Variants in DGUOK observed in about 807,000 individuals in gnomAD.
DGUOK encodes the protein deoxyguanosine kinase, mitochondrial.
DGUOK carries 30 observed loss-of-function variants against 36.6 expected under a neutral mutation model. The observed-to-expected ratio is 0.82, with a 90% CI of 0.61 to 1.11. The LOEUF is 1.11. Ranked by LOEUF, DGUOK falls within the 50% of genes most tolerant of loss-of-function variation. DGUOK has a pLI of 0.00. For missense variants in DGUOK, 361 were observed against 336.4 expected, an observed-to-expected ratio of 1.07 and a Z score of -0.57; for synonymous variants, 145 against 126.3, an observed-to-expected ratio of 1.15 and a Z score of -0.99.
At chr2:73,941,245 A>G (rs1210998507) in intron 2 of DGUOK, among the ~76,000 whole-genome samples, 2 of 152,136 alleles carry the variant, frequency 1.3e-5, no homozygotes, top group East Asian at 3.9e-4. Context: ...CCTTCATACA[A>G]CTGTAGCCTC....
At chr2:73,945,279 C>T (rs1003141094) in intron 2 of DGUOK, among the ~76,000 whole-genome samples, 18 of 152,186 alleles carry the variant, frequency 1.2e-4, no homozygotes, top group Admixed American at 7.2e-4. Flanking sequence ...CATCAGTAAT[C>T]GTCCCTTCAT....
Position 73,958,254 on chromosome 2 carries a change from G to T in DGUOK, c.807+9G>T, listed in dbSNP as rs1211080032. ...AAGACCTCATGAGAGAGGTGGGAAG[G>T]ACTTTAACTCCTGTTTTCTGGTGGT... is the stretch of plus-strand genomic sequence containing the variant. On this transcript the variant is annotated intron_variant, in intron 6 of 6. Coordinates refer to ENST00000264093, the MANE Select transcript of DGUOK (RefSeq NM_080916.3). 1 of 1,600,884 alleles carries T rather than the reference G, an allele frequency of 6.2e-7. No homozygotes were observed. The highest frequency in any genetic ancestry group is 8.6e-7 in the Non-Finnish European group (1 of 1,168,376).
At chr2:73,956,552 C>T (rs1024137305) in intron 4 of DGUOK, among the ~76,000 whole-genome samples, 3 of 152,120 alleles carry the variant, frequency 2.0e-5, no homozygotes, top group African/African-American at 4.8e-5. Flanking sequence ...TACAACTTAC[C>T]TCAGTGACCT....
intron 1 of DGUOK, among the ~76,000 whole-genome samples, chr2:73,930,414 A>T (rs1213721498): frequency 6.6e-6 from 1 of 152,186 alleles, no homozygotes; most frequent in Admixed American, 6.5e-5. Flanking sequence ...GGGAAGGGAG[A>T]GTCCTGCTAT....
chr2:73,950,110 G>T (rs893254502), intron 3 of DGUOK, among the ~76,000 whole-genome samples: 1 of 152,216 alleles, frequency 6.6e-6, no homozygotes, highest in Non-Finnish European at 1.5e-5. Flanking sequence ...TGGCTCAGTA[G>T]CCTGGAGACT....
Position 73,929,493 on chromosome 2 carries a change from C to G in DGUOK, c.142+2441C>G, listed in dbSNP as rs1320336327. ...TATGTAAGTTCAGAATTAGGGTCTC[C>G]CCGGACTGGAGCTGTAAATGTAGGT... On this transcript the variant is annotated intron_variant, in intron 1 of 6. Transcript: ENST00000264093. Among the ~76,000 whole-genome samples the G allele has an allele frequency of 3.9e-5, 6 of 152,158 alleles. 1 individual carries two copies. The highest frequency in any genetic ancestry group is 2.0e-4 in the Admixed American group (3 of 15,292).
At chr2:73,934,884 G>A (rs1321791367) in intron 1 of DGUOK, among the ~76,000 whole-genome samples, 2 of 152,050 alleles carry the variant, frequency 1.3e-5, no homozygotes, top group African/African-American at 2.4e-5. Context: ...ACCAACCTGG[G>A]CAACATGGTG....
chr2:73,958,712 A>G lies in DGUOK; in HGVS notation c.810A>G (p.Val270=), dbSNP rs1023014849. 6.2e-6 allele frequency: 10 copies of G among 1,611,656 alleles called. No homozygotes were observed. Among genetic ancestry groups the G allele is most frequent in the Middle Eastern group, 1.6e-4 (1 of 6,084 alleles). ...VTKQEDLMRE[V]NTFVKNL ...TTCTGATTTTCTCCTTCCCACAGGT[A>G]AACACCTTTGTAAAGAATCTGTAAC... is the stretch of plus-strand genomic sequence containing the variant. Residue 270 remains valine, a splice_region_variant and synonymous_variant, in exon 7 of 7, where the codon GTA becomes GTG. Transcript: ENST00000264093.
chr2:73,938,006 C>T (rs1434848009), intron 1 of DGUOK, among the ~76,000 whole-genome samples: 1 of 152,094 alleles, frequency 6.6e-6, no homozygotes, highest in African/African-American at 2.4e-5. Flanking sequence ...CACTAACTTC[C>T]CATTGCCCTT....
rs866656831 is a variant in DGUOK, at chr2:73,926,889, C to A, written c.-22C>A. Reference sequence around the variant, plus strand: ...CGGAAGTGCTCTCGGCGGAAGTGATCGCTGTGTGAATCGTGGGTGGGATGG... The same window carrying A: ...CGGAAGTGCTCTCGGCGGAAGTGATAGCTGTGTGAATCGTGGGTGGGATGG... On this transcript the variant is annotated 5_prime_UTR_variant, in exon 1 of 7. Transcript: ENST00000264093. The A allele has an allele frequency of 3.1e-6, 5 of 1,613,136 alleles. No individual in the cohort carries two copies. The highest frequency in any genetic ancestry group is 1.6e-4 in the Middle Eastern group (1 of 6,062).
At chr2:73,936,685 T>C (rs1445692064) in intron 1 of DGUOK, among the ~76,000 whole-genome samples, 4 of 152,224 alleles carry the variant, frequency 2.6e-5, no homozygotes, top group Non-Finnish European at 4.4e-5. Flanking sequence ...ATTTATTTTT[T>C]ATTTTTCACA....
Position 73,926,993 on chromosome 2 carries a change from C to T in DGUOK, c.83C>T (p.Ser28Phe), listed in dbSNP as rs757712782. ...MAKSPLEGVS[S>F]SRGLHAGRGP... ...AAGAGCCCACTCGAGGGCGTTTCCTCCTCCAGAGGCCTGCACGCGGGGCGC... is the reference window on the plus strand; with the variant it reads ...AAGAGCCCACTCGAGGGCGTTTCCTTCTCCAGAGGCCTGCACGCGGGGCGC... The change falls in exon 1 of 7, where the codon TCC (serine) becomes TTC (phenylalanine). Residue 28 changes from serine to phenylalanine, a missense_variant. Coordinates refer to ENST00000264093, the MANE Select transcript of DGUOK (RefSeq NM_080916.3). 12 of 1,612,064 alleles carry T rather than the reference C, an allele frequency of 7.4e-6. No individual in the cohort carries two copies. The highest frequency in any genetic ancestry group is 1.1e-5 in the South Asian group (1 of 91,096).
intron 3 of DGUOK, among the ~76,000 whole-genome samples, chr2:73,947,312 G>A (rs946960626): frequency 3.3e-5 from 5 of 151,408 alleles, no homozygotes; most frequent in South Asian, 2.1e-4. Context: ...AAAAGCAGAC[G>A]AAATTAAAAT....
At chr2:73,940,620 C>T (rs1216211355) in intron 2 of DGUOK, among the ~76,000 whole-genome samples, 1 of 152,200 alleles carries the variant, frequency 6.6e-6, no homozygotes, top group Non-Finnish European at 1.5e-5. Context: ...TCATGGGCTG[C>T]ATAATGATGT....
chr2:73,956,147 A>C (rs971030757), intron 4 of DGUOK, among the ~76,000 whole-genome samples: 1 of 152,136 alleles, frequency 6.6e-6, no homozygotes, highest in African/African-American at 2.4e-5. Context: ...AGAAGATGTC[A>C]TTTTCTGAGC....
At chr2:73,942,430 A>G (rs1436129519) in intron 2 of DGUOK, among the ~76,000 whole-genome samples, 2 of 152,136 alleles carry the variant, frequency 1.3e-5, no homozygotes, top group East Asian at 1.9e-4. Context: ...TTTTTCACAA[A>G]TGGTTATCTA....
intron 2 of DGUOK, among the ~76,000 whole-genome samples, chr2:73,943,229 C>A (rs753965868): frequency 1.3e-5 from 2 of 152,080 alleles, no homozygotes; most frequent in South Asian, 4.1e-4. Flanking sequence ...TAGCTCACTG[C>A]AGCCTTGAAG....
intron 3 of DGUOK, among the ~76,000 whole-genome samples, chr2:73,949,635 C>A (rs1253786710): frequency 1.3e-5 from 2 of 152,228 alleles, no homozygotes; most frequent in African/African-American, 4.8e-5. Flanking sequence ...GTGACACTCA[C>A]AGCCTTGCAG....
chr2:73,954,881 G>A (rs1682973436), intron 4 of DGUOK, among the ~76,000 whole-genome samples: 1 of 152,188 alleles, frequency 6.6e-6, no homozygotes, highest in Non-Finnish European at 1.5e-5. Context: ...TTCACATTCA[G>A]GTGTGTCTTC....
Sources: gnomAD v4.1 joint callset for allele counts (sites outside exome capture counted in the v4.1 genomes callset) on GRCh38, gnomAD v4.1.1 for gene constraint, MANE v1.5 for transcripts, NCBI Gene and HGNC (gene_info 2026-07-23, HGNC 2026-07-21) for gene names.